The following AHNAK variants were observed in gnomAD, a reference collection of about 807,000 sequenced individuals.
AHNAK encodes the protein AHNAK nucleoprotein.
Under a neutral mutation model 37.8 loss-of-function variants are expected in AHNAK, and 23 were observed. The ratio of observed to expected loss-of-function variants is 0.61; its 90% CI spans 0.44 to 0.86. The LOEUF is 0.86. Among genes scored for constraint, AHNAK ranks in the 40% least tolerant of loss-of-function variants. The pLI, the probability that AHNAK is intolerant of heterozygous loss-of-function variation, is 0.00. For synonymous variants in AHNAK, 2,481 were observed against 2,636.3 expected (o/e 0.94, Z 1.80); for missense variants, 7,411 against 7,319.4 (o/e 1.01, Z -0.46).
chr11:62,435,158 C>T (rs1399689801), intron 5 of AHNAK, among the ~76,000 whole-genome samples: 1 of 152,198 alleles, frequency 6.6e-6, no homozygotes, highest in East Asian at 1.9e-4. Flanking sequence ...CTAAATCCTA[C>T]CCATTTTTGA....
At chr11:62,439,189 G>A (rs979226313) in intron 5 of AHNAK, among the ~76,000 whole-genome samples, 19 of 149,026 alleles carry the variant, frequency 1.3e-4, no homozygotes, top group African/African-American at 4.2e-4. Context: ...TGACCACCCG[G>A]GTTCATGCCA....
rs1012757326 is a variant in AHNAK at position 62,520,829 on chromosome 11, C to T, written c.13588G>A (p.Gly4530Arg). 1 of 1,614,138 alleles carries T rather than the reference C, an allele frequency of 6.2e-7. No individual in the cohort carries two copies. Among genetic ancestry groups the T allele is most frequent in the Non-Finnish European group, 8.5e-7 (1 of 1,180,022 alleles). Reference sequence around the variant, plus strand: ...TCCATATCTCCTTTTATCTTAGGTCCTTTCAAATTCAAATCAATGTCACTC... The same window carrying T: ...TCCATATCTCCTTTTATCTTAGGTCTTTTCAAATTCAAATCAATGTCACTC... ...SMSDIDLNLK[G>R]PKIKGDMDIS... is the part of the protein sequence containing the mutation. Residue 4530 changes from glycine (G) to arginine (R), a missense_variant, in exon 5 of 5, where the codon GGA becomes AGA. Physicochemically the swap from Gly to Arg is moderately radical, Grantham distance 125. Coordinates refer to ENST00000378024, the MANE Select transcript of AHNAK (RefSeq NM_001620.3).
rs1359256239 is a variant in AHNAK, at chr11:62,520,392, G to A, written c.14025C>T (p.Asn4675=). 3.7e-6 allele frequency: 6 copies of A among 1,612,978 alleles called. 1 individual carries two copies. The South Asian group carries it at 6.6e-5, about 18-fold the overall frequency. The change falls in exon 5 of 5, where the codon AAC becomes AAT. Residue 4675 remains asparagine (N), a synonymous_variant. Transcript: ENST00000378024. ...FKGEGPDVDV[N]LPKADIDVSG... The stretch of plus-strand genomic sequence containing the variant: ...AGACATCAATGTCAGCCTTGGGCAG[G>A]TTCACATCCACATCTGGGCCCTCTC...
At chr11:62,495,000 CAA>C (rs34419128) in intron 4 of AHNAK, among the ~76,000 whole-genome samples, 34 of 121,758 alleles carry the variant, frequency 2.8e-4, no homozygotes, top group Admixed American at 3.4e-4. Flanking sequence ...AACTCCATCT[CAA>C]AAAAAAAAAA....
chr11:62,511,241 G>GT (rs540063151), downstream of AHNAK, among the ~76,000 whole-genome samples: 4,096 of 135,676 alleles, frequency 0.03, 45 homozygotes, highest in East Asian at 0.034. Context: ...CTTGTTTTTT[G>GT]TTTTTTTTTT....
intron 5 of AHNAK, among the ~76,000 whole-genome samples, chr11:62,474,102 GTAA>G (rs1565206303): frequency 1.3e-5 from 2 of 150,984 alleles, no homozygotes; most frequent in Admixed American, 6.6e-5. Flanking sequence ...AAAAATAATA[GTAA>G]TAATTTATAA....
At chr11:62,447,088 A>G (rs2134793137) in intron 5 of AHNAK, among the ~76,000 whole-genome samples, 1 of 152,178 alleles carries the variant, frequency 6.6e-6, no homozygotes, top group East Asian at 1.9e-4. Flanking sequence ...CACATAGTCC[A>G]CTAAGTGTCA....
intron 5 of AHNAK, among the ~76,000 whole-genome samples, chr11:62,474,847 C>A (rs763056106): frequency 6.6e-6 from 1 of 152,148 alleles, no homozygotes; most frequent in African/African-American, 2.4e-5. Context: ...CTTCTCCCAC[C>A]TTCAGGCCTC....
Position 62,524,294 on chromosome 11 carries a change from T to G in AHNAK, c.10123A>C (p.Lys3375Gln), listed in dbSNP as rs1940386658. 6.2e-7 allele frequency: 1 copy of G among 1,613,814 alleles called. No homozygotes were observed. The highest frequency in any genetic ancestry group is 8.5e-7 in the Non-Finnish European group (1 of 1,179,996). The change falls in exon 5 of 5, where the codon AAG (lysine) becomes CAG (glutamine). Residue 3375 changes from lysine to glutamine, a missense_variant. Lys to Gln is a moderately conservative substitution (Grantham distance 53). Transcript: ENST00000378024. ...GGACCTGTTATGTCAATATCTGGCT[T>G]TTTACCTTTGACATCCACTTCAGGT... is the stretch of plus-strand genomic sequence containing the variant. Reference protein sequence around the residue: ...QTPEVDVKGKKPDIDITGPKV... With the variant: ...QTPEVDVKGKQPDIDITGPKV...
Position 62,517,300 on chromosome 11 carries a change from T to A in AHNAK, c.17117A>T (p.Lys5706Ile), listed in dbSNP as rs768131906. 5.6e-6 allele frequency: 9 copies of A among 1,614,034 alleles called. No homozygotes were observed. In the South Asian group the frequency reaches 8.8e-5, roughly 16 times the overall value. The change falls in exon 5 of 5, where the codon AAA becomes ATA. Residue 5706 changes from lysine to isoleucine, a missense_variant. Coordinates refer to ENST00000378024, the MANE Select transcript of AHNAK (RefSeq NM_001620.3). The stretch of plus-strand genomic sequence containing the variant: ...CATTTTGATCTTGGACTTTTTCAGT[T>A]TGACTTCAGACTCTTCCCACTCGCC... ...GDGEWEESEV[K>I]LKKSKIKMPK...
At position 62,517,117 on chromosome 11, in the gene AHNAK, T is replaced by C. The variant is rs1940046481; in HGVS notation, c.17300A>G (p.Lys5767Arg). 4.3e-6 allele frequency: 7 copies of C among 1,613,284 alleles called. No homozygotes were observed. The highest frequency in any genetic ancestry group is 5.1e-6 in the Non-Finnish European group (6 of 1,179,848). The change falls in exon 5 of 5, where the codon AAA (lysine) becomes AGA (arginine). Residue 5767 changes from lysine to arginine, a missense_variant. Coordinates refer to ENST00000378024, the MANE Select transcript of AHNAK (RefSeq NM_001620.3). The stretch of plus-strand genomic sequence containing the variant: ...CTTCTTACTTTTAAATAAGGAGAAT[T>C]TGCCTTTCGGTGAAGAGGCTTCGGC... ...AEAEASSPKG[K>R]FSLFKSKKPR...
At chr11:62,479,846 T>C (rs1263418751) in intron 5 of AHNAK, among the ~76,000 whole-genome samples, 1 of 152,206 alleles carries the variant, frequency 6.6e-6, no homozygotes, top group Non-Finnish European at 1.5e-5. Context: ...TGTGAAACTA[T>C]TCTTGAAAGT....
intron 5 of AHNAK, among the ~76,000 whole-genome samples, chr11:62,464,123 G>A (rs925828681): frequency 4.0e-5 from 6 of 151,088 alleles, no homozygotes; most frequent in African/African-American, 9.7e-5. Flanking sequence ...AACCACCCTG[G>A]CCCAAGTGAT....
chr11:62,506,502 C>G (rs765502670), intron 4 of AHNAK, among the ~76,000 whole-genome samples: 52 of 152,120 alleles, frequency 3.4e-4, no homozygotes, highest in Non-Finnish European at 6.8e-4. Context: ...CAACTTTGTT[C>G]CACCCAAAAT....
intron 5 of AHNAK, among the ~76,000 whole-genome samples, chr11:62,488,958 C>T (rs879616073): frequency 1.3e-5 from 2 of 151,694 alleles, no homozygotes; most frequent in South Asian, 4.2e-4. Flanking sequence ...GACACAGGAG[C>T]GGCCCAGCGC....
At chr11:62,487,140 G>A (rs1164062277) in intron 5 of AHNAK, among the ~76,000 whole-genome samples, 2 of 152,348 alleles carry the variant, frequency 1.3e-5, no homozygotes, top group African/African-American at 4.8e-5. Context: ...GACCAGTCCA[G>A]TGTGAAGCTG....
chr11:62,443,879 G>C (rs1938365958), intron 5 of AHNAK, among the ~76,000 whole-genome samples: 2 of 152,190 alleles, frequency 1.3e-5, no homozygotes, highest in African/African-American at 4.8e-5. Context: ...CCCATTCCTT[G>C]GACTCAGCCC....
At chr11:62,535,281 G>C in intron 3 of AHNAK, 91 bp from the exon 4 acceptor site, 2 of 1,213,794 alleles carry the variant, frequency 1.6e-6, no homozygotes, top group South Asian at 1.4e-5. Context: ...GAACTGACTT[G>C]AACTCATGAC....
At chr11:62,491,115 T>C (rs1331303217) in intron 5 of AHNAK, among the ~76,000 whole-genome samples, 1 of 152,072 alleles carries the variant, frequency 6.6e-6, no homozygotes, top group African/African-American at 2.4e-5. Flanking sequence ...TGTTTGCAAT[T>C]ACCTCCAAAA....
Sources: gnomAD v4.1 joint callset for allele counts (sites outside exome capture counted in the v4.1 genomes callset) on GRCh38, gnomAD v4.1.1 for gene constraint, MANE v1.5 for transcripts, NCBI Gene and HGNC (gene_info 2026-07-23, HGNC 2026-07-21) for gene names.